PDCD6IP: variants seen among roughly 807,000 people sequenced by gnomAD.
The protein encoded by PDCD6IP is programmed cell death 6 interacting protein.
Under a neutral mutation model 103.7 loss-of-function variants are expected in PDCD6IP, and 43 were observed. The ratio of observed to expected loss-of-function variants is 0.41; its 90% CI spans 0.32 to 0.53. The LOEUF is 0.53. Ranked by LOEUF, PDCD6IP falls within the 20% of genes least tolerant of loss-of-function variation. The pLI, the probability that PDCD6IP is intolerant of heterozygous loss-of-function variation, is 0.16. For synonymous variants in PDCD6IP, 354 were observed against 378.7 expected (o/e 0.93, Z 0.76); for missense variants, 871 against 1,036.7 (o/e 0.84, Z 2.20).
intron 1 of PDCD6IP, among the ~76,000 whole-genome samples, chr3:33,802,922 C>G (rs1420640836): frequency 6.6e-6 from 1 of 152,188 alleles, no homozygotes; most frequent in Non-Finnish European, 1.5e-5. Flanking sequence ...AGAGGTACCT[C>G]ATGTTTCTTA....
chr3:33,824,255 C>CTT (rs398062226), intron 4 of PDCD6IP, among the ~76,000 whole-genome samples: 14 of 146,056 alleles, frequency 9.6e-5, no homozygotes, highest in Non-Finnish European at 1.5e-4. Flanking sequence ...CTCATGACAC[C>CTT]TTTTTTTTTT....
At chr3:33,843,743 A>C (rs959653172) in intron 10 of PDCD6IP, among the ~76,000 whole-genome samples, 2 of 152,128 alleles carry the variant, frequency 1.3e-5, no homozygotes, top group African/African-American at 4.8e-5. Flanking sequence ...ATTGGAATGA[A>C]AGTCTAAATT....
chr3:33,806,099 GA>G (rs1696591777), intron 1 of PDCD6IP, among the ~76,000 whole-genome samples: 1 of 152,152 alleles, frequency 6.6e-6, no homozygotes. Flanking sequence ...GTATTTCAAA[GA>G]AATGTATTTA....
At chr3:33,863,927 G>C in intron 15 of PDCD6IP, 79 bp from the exon 16 acceptor site, 1 of 900,832 alleles carries the variant, frequency 1.1e-6, no homozygotes, top group Admixed American at 2.0e-5. Flanking sequence ...TTTCATGTAT[G>C]AAGAAAAGAA....
At chr3:33,861,668 C>T (rs987106112) in intron 15 of PDCD6IP, among the ~76,000 whole-genome samples, 1 of 152,140 alleles carries the variant, frequency 6.6e-6, no homozygotes, top group African/African-American at 2.4e-5. Context: ...TATATTCCTC[C>T]TAGCAATATA....
In PDCD6IP at chr3:33,829,030, T is replaced by C. The variant is rs1697190285; in HGVS notation, c.834+61T>C. ...CTTGGATCTCTCTTTTTTTTCCTAG[T>C]GAGATTTCCAAGTTTGCCCATAAAA... is the stretch of plus-strand genomic sequence containing the variant. On this transcript the variant is annotated intron_variant, in intron 7 of 17. Transcript: ENST00000307296. 2.2e-6 allele frequency: 3 copies of C among 1,385,534 alleles called. No individual in the cohort carries two copies. In the Admixed American group the frequency reaches 7.1e-5, roughly 33 times the overall value. 85.8% of individuals were successfully genotyped at this position (1,385,534 alleles called of 1,614,324 possible). A position where few individuals can be genotyped will look rare whatever the true frequency, so the allele number is the denominator to read the frequency against.
At chr3:33,818,218 G>A (rs1481844798) in intron 3 of PDCD6IP, among the ~76,000 whole-genome samples, 2 of 143,092 alleles carry the variant, frequency 1.4e-5, no homozygotes, top group African/African-American at 5.3e-5. Flanking sequence ...AGTGATTCTC[G>A]TGCCACAGCC....
chr3:33,845,363 A>G (rs1697569243), intron 11 of PDCD6IP, 56 bp from the exon 12 acceptor site: 3 of 1,364,346 alleles, frequency 2.2e-6, no homozygotes, highest in Admixed American at 3.9e-5. Flanking sequence ...TAACCAGCCG[A>G]TAAACGTTGC....
At chr3:33,842,504 A>G (rs1022784376) in intron 10 of PDCD6IP, among the ~76,000 whole-genome samples, 2 of 151,304 alleles carry the variant, frequency 1.3e-5, no homozygotes, top group Non-Finnish European at 2.9e-5. Context: ...TTTGTTTTAT[A>G]TTATTTATCT....
intron 12 of PDCD6IP, among the ~76,000 whole-genome samples, chr3:33,850,988 G>A (rs1697701040): frequency 6.6e-6 from 1 of 151,630 alleles, no homozygotes; most frequent in Admixed American, 6.6e-5. Context: ...ATGTTTAGGA[G>A]ATATGGATGT....
chr3:33,832,226 A>G (rs1294853473), intron 7 of PDCD6IP, among the ~76,000 whole-genome samples: 1 of 152,116 alleles, frequency 6.6e-6, no homozygotes, highest in Non-Finnish European at 1.5e-5. Context: ...GTGTCCTCAT[A>G]TGGTGAACAG....
At chr3:33,845,315 G>A in intron 11 of PDCD6IP, 104 bp from the exon 12 acceptor site, 1 of 722,128 alleles carries the variant, frequency 1.4e-6, no homozygotes, top group South Asian at 2.2e-5. Context: ...TCTATAGAAG[G>A]GGAGGATAAG....
At chr3:33,827,210 C>A (rs1697146334) in intron 6 of PDCD6IP, 1 of 976,104 alleles carries the variant, frequency 1.0e-6, no homozygotes, top group Non-Finnish European at 1.2e-6. Context: ...TTGTTAATGA[C>A]AAAGCAAATC....
intron 7 of PDCD6IP, among the ~76,000 whole-genome samples, chr3:33,829,417 C>T (rs928366254): frequency 6.6e-6 from 1 of 151,946 alleles, no homozygotes; most frequent in Non-Finnish European, 1.5e-5. Flanking sequence ...AACTTGTGGC[C>T]TGGTCTTTGT....
Position 33,813,867 on chromosome 3 carries a change from A to G in PDCD6IP, c.334+239A>G, listed in dbSNP as rs181862755. Among the ~76,000 whole-genome samples the G allele has an allele frequency of 5.1e-3, 777 of 152,322 alleles. 25 individuals are homozygous for G. Among genetic ancestry groups the G allele is most frequent in the Admixed American group, 0.042 (640 of 15,304 alleles). ...ACCGATGTACTTAGTTTTTGGGAAG[A>G]TAGTTGATCATTTAAAAGTGTAATA... On this transcript the variant is annotated intron_variant, in intron 3 of 17. Transcript: ENST00000307296.
intron 4 of PDCD6IP, among the ~76,000 whole-genome samples, chr3:33,823,535 G>C (rs1236598431): frequency 6.6e-6 from 1 of 152,224 alleles, no homozygotes; most frequent in Non-Finnish European, 1.5e-5. Flanking sequence ...TGTAATCCCA[G>C]CACTGTGGGA....
chr3:33,825,259 A>T lies in PDCD6IP; in HGVS notation c.535A>T (p.Ile179Leu), dbSNP rs747213588. ...SALSREPTVD[I>L]SPDTVGTLSL... ...CTTAAGTCGAGAGCCGACCGTGGACATATCTCCAGATACTGTTGGGACCCT... is the reference window on the plus strand; with the variant it reads ...CTTAAGTCGAGAGCCGACCGTGGACTTATCTCCAGATACTGTTGGGACCCT... Residue 179 changes from isoleucine to leucine, a missense_variant, in exon 5 of 18, where the codon ATA becomes TTA. Physicochemically the swap from Ile to Leu is conservative, Grantham distance 5. This residue lies in a region of PDCD6IP where 242 missense variants were observed against 250.7 expected (regional missense o/e 0.97). Coordinates refer to ENST00000307296, the MANE Select transcript of PDCD6IP (RefSeq NM_013374.6). The T allele has an allele frequency of 1.5e-5, 24 of 1,613,586 alleles. No homozygotes were observed. The highest frequency in any genetic ancestry group is 1.6e-4 in the Middle Eastern group (1 of 6,084).
intron 15 of PDCD6IP, among the ~76,000 whole-genome samples, chr3:33,855,858 A>AAAC (rs748107585): frequency 4.6e-5 from 7 of 152,296 alleles, no homozygotes; most frequent in Non-Finnish European, 7.4e-5. Context: ...AGCTAAACAA[A>AAAC]AACAACAACA....
Position 33,850,305 on chromosome 3 carries a change from T to C in PDCD6IP, c.1642-2183T>C, listed in dbSNP as rs1359189660. On this transcript the variant is annotated intron_variant, in intron 12 of 17. Coordinates refer to ENST00000307296, the MANE Select transcript of PDCD6IP (RefSeq NM_013374.6). ...TATGTAATTACATTTTTTTATGTAA[T>C]TACGTTTCACTTTGTTAGACCCATT... is the stretch of plus-strand genomic sequence containing the variant. Among the ~76,000 whole-genome samples, 3 of 152,020 alleles carry C rather than the reference T, an allele frequency of 2.0e-5. No individual in the cohort carries two copies. In the East Asian group the frequency reaches 5.8e-4, roughly 29 times the overall value.
Sources: gnomAD v4.1 joint callset for allele counts (sites outside exome capture counted in the v4.1 genomes callset) on GRCh38, gnomAD v4.1.1 for gene constraint, gnomAD v4.1.1 regional missense constraint, MANE v1.5 for transcripts, NCBI Gene and HGNC (gene_info 2026-07-23, HGNC 2026-07-21) for gene names.